Variants in PMS1 observed in about 807,000 individuals in gnomAD.
PMS1 encodes the protein PMS1 homolog 1, mismatch repair system component, also known as PMS1 protein homolog 1.
Under a neutral mutation model 93.1 loss-of-function variants are expected in PMS1, and 79 were observed. The observed-to-expected ratio is 0.85, with a 90% CI of 0.71 to 1.02. PMS1 has a LOEUF of 1.02. PMS1 is among the 50% of genes least tolerant of loss of function. PMS1 has a pLI of 0.00. For synonymous variants in PMS1, 335 were observed against 363.4 expected, an observed-to-expected ratio of 0.92 and a Z score of 0.89; for missense variants, 1,064 against 1,085.3, an observed-to-expected ratio of 0.98 and a Z score of 0.28.
intron 5 of PMS1, among the ~76,000 whole-genome samples, chr2:189,824,929 C>G (rs2106350368): frequency 6.6e-6 from 1 of 152,128 alleles, no homozygotes; most frequent in East Asian, 1.9e-4. Flanking sequence ...TAGCCTTTTT[C>G]TTTTAAGCAT....
chr2:189,820,335 C>T (rs1287510105), intron 5 of PMS1, among the ~76,000 whole-genome samples: 2 of 151,816 alleles, frequency 1.3e-5, no homozygotes, highest in South Asian at 2.1e-4. Flanking sequence ...GAGAGGGTCT[C>T]GTTCTGTCAC....
Position 189,867,983 on chromosome 2 carries a change from A to G in PMS1, c.2473+54A>G, listed in dbSNP as rs1165775010. On this transcript the variant is annotated intron_variant, in intron 11 of 12. Transcript: ENST00000441310. Reference sequence around the variant, plus strand: ...ATGTGGAAAAATTAGTCTTGTTCCAAGAGTTACATTTGGGTTTCATGATTT... The same window carrying G: ...ATGTGGAAAAATTAGTCTTGTTCCAGGAGTTACATTTGGGTTTCATGATTT... The G allele has an allele frequency of 3.5e-6, 5 of 1,435,620 alleles. No individual in the cohort carries two copies. The Admixed American group carries it at 6.7e-5, about 19-fold the overall frequency. The allele number at this position is 1,435,620 out of a possible 1,614,324, so 88.9% of individuals were successfully genotyped here. A position where few individuals can be genotyped will look rare whatever the true frequency, so the allele number is the denominator to read the frequency against.
intron 11 of PMS1, among the ~76,000 whole-genome samples, chr2:189,870,417 A>G (rs2057047436): frequency 6.6e-6 from 1 of 152,202 alleles, no homozygotes; most frequent in Non-Finnish European, 1.5e-5. Context: ...TAGGAAGTGA[A>G]AACTTGTCAA....
In PMS1 at chr2:189,795,756, T is replaced by A. The variant is rs757034632; in HGVS notation, c.133-13T>A. ...ATTTTTACATATTAAAAGTGTTTTT[T>A]GACATTTTATAGGAGAACTATGGAT... On this transcript the variant is annotated splice_polypyrimidine_tract_variant and intron_variant, in intron 2 of 12. Transcript: ENST00000441310. The A allele has an allele frequency of 6.2e-7, 1 of 1,606,774 alleles. No homozygotes were observed.
chr2:189,865,451 A>G (rs946560964), intron 10 of PMS1, among the ~76,000 whole-genome samples: 1 of 152,160 alleles, frequency 6.6e-6, no homozygotes, highest in African/African-American at 2.4e-5. Context: ...TAGGTTGGCT[A>G]TATGCTTCAT....
At chr2:189,876,459 A>G (rs528717085) in intron 12 of PMS1, among the ~76,000 whole-genome samples, 4 of 152,192 alleles carry the variant, frequency 2.6e-5, no homozygotes, top group African/African-American at 7.2e-5. Flanking sequence ...CCTGTCCTAG[A>G]GGGTGATCTG....
At chr2:189,792,417 G>A (rs987213304) in intron 2 of PMS1, among the ~76,000 whole-genome samples, 1 of 151,758 alleles carries the variant, frequency 6.6e-6, no homozygotes, top group African/African-American at 2.4e-5. Flanking sequence ...GTTCTAAATT[G>A]CTAACACATA....
intron 10 of PMS1, among the ~76,000 whole-genome samples, chr2:189,864,542 G>C (rs180967851): frequency 2.2e-4 from 33 of 146,934 alleles, no homozygotes; most frequent in Admixed American, 1.2e-3. Context: ...TGTAGTCCCA[G>C]CTACTTGGGA....
At chr2:189,792,699 A>ATATATATATG (rs1553555028) in intron 2 of PMS1, among the ~76,000 whole-genome samples, 27 of 127,330 alleles carry the variant, frequency 2.1e-4, no homozygotes, top group Non-Finnish European at 1.7e-5. Flanking sequence ...ATATATATAT[A>ATATATATATG]TATATATATA....
At chr2:189,846,111 C>T (rs547456286) in intron 6 of PMS1, among the ~76,000 whole-genome samples, 2 of 152,184 alleles carry the variant, frequency 1.3e-5, no homozygotes, top group South Asian at 4.1e-4. Flanking sequence ...TGTGGCTGGG[C>T]GTGGTGGGTC....
At chr2:189,867,777 A>C in intron 10 of PMS1, 22 bp from the exon 11 acceptor site, 1 of 1,529,628 alleles carries the variant, frequency 6.5e-7, no homozygotes, top group Non-Finnish European at 9.1e-7. Flanking sequence ...AATAAGTTAA[A>C]GGGCCATAAT....
chr2:189,856,179 GTTA>G (rs2055314279), intron 9 of PMS1, among the ~76,000 whole-genome samples: 2 of 149,824 alleles, frequency 1.3e-5, no homozygotes, highest in African/African-American at 4.9e-5. Flanking sequence ...AGTGGGAATG[GTTA>G]TTATATTTTG....
chr2:189,823,447 C>G (rs1320609358), intron 5 of PMS1, among the ~76,000 whole-genome samples: 1 of 151,708 alleles, frequency 6.6e-6, no homozygotes, highest in Non-Finnish European at 1.5e-5. Context: ...CAACAGGCCC[C>G]GGTGTGTGAT....
intron 4 of PMS1, among the ~76,000 whole-genome samples, chr2:189,810,240 A>G (rs2050716601): frequency 6.6e-6 from 1 of 152,230 alleles, no homozygotes; most frequent in African/African-American, 2.4e-5. Context: ...AAAATGATGG[A>G]TACAGATTTT....
chr2:189,799,910 T>C (rs1200302593), intron 3 of PMS1, among the ~76,000 whole-genome samples: 1 of 152,232 alleles, frequency 6.6e-6, no homozygotes, highest in Non-Finnish European at 1.5e-5. Flanking sequence ...CCCAATAAAC[T>C]GACTGCTCAC....
chr2:189,793,726 T>C (rs1045440740), intron 2 of PMS1, among the ~76,000 whole-genome samples: 5 of 152,218 alleles, frequency 3.3e-5, no homozygotes, highest in Admixed American at 2.0e-4. Context: ...GTTAAATATT[T>C]TAATCTGGCT....
At chr2:189,818,328 T>A in intron 5 of PMS1, 148 bp downstream of exon 5, 1 of 611,968 alleles carries the variant, frequency 1.6e-6, no homozygotes, top group Non-Finnish European at 2.9e-6. Context: ...CCATGTGATG[T>A]TATTAGGGCA....
chr2:189,848,827 T>C (rs1434239306), intron 6 of PMS1, among the ~76,000 whole-genome samples: 3 of 152,226 alleles, frequency 2.0e-5, no homozygotes, highest in Non-Finnish European at 1.5e-5. Flanking sequence ...CTCCATTCTT[T>C]CTGGGCTTAT....
In PMS1 at chr2:189,867,810, G is replaced by C. The variant is rs1207550070; in HGVS notation, c.2354G>C (p.Gly785Ala). The C allele has an allele frequency of 1.3e-6, 2 of 1,571,848 alleles. No individual in the cohort carries two copies. Among genetic ancestry groups the C allele is most frequent in the Non-Finnish European group, 1.8e-6 (2 of 1,141,862 alleles). ...AATTTCTTTTTCAGTCTTTTTAATG[G>C]ATCTCATTATTTAGACGTTTTATAT... is the stretch of plus-strand genomic sequence containing the variant. ...PIMLTESLFN[G>A]SHYLDVLYKM... Residue 785 changes from glycine (G) to alanine (A), a missense_variant, in exon 11 of 13, where the codon GGA (glycine) becomes GCA (alanine). Physicochemically the swap from Gly to Ala is moderately conservative, Grantham distance 60. Transcript: ENST00000441310.
Sources: allele counts gnomAD v4.1 joint callset (sites outside exome capture counted in the v4.1 genomes callset), GRCh38; gene constraint gnomAD v4.1.1; transcripts MANE v1.5; gene names NCBI Gene and HGNC (gene_info 2026-07-23, HGNC 2026-07-21).